Variants in DLG2 observed in about 807,000 individuals in gnomAD.
The protein encoded by DLG2 is disks large homolog 2.
Under a neutral mutation model 132.5 loss-of-function variants are expected in DLG2, and 45 were observed. The observed-to-expected ratio is 0.34, with a 90% CI of 0.27 to 0.44. The LOEUF is 0.44. Ranked by LOEUF, DLG2 falls within the 20% of genes least tolerant of loss-of-function variation. DLG2 has a pLI of 1.00. For missense variants in DLG2, 1,045 were observed against 1,196.9 expected, an observed-to-expected ratio of 0.87 and a Z score of 1.87; for synonymous variants, 424 against 419.6, an observed-to-expected ratio of 1.01 and a Z score of -0.13.
At chr11:85,309,993 T>C (rs940803338) in intron 3 of DLG2, among the ~76,000 whole-genome samples, 1 of 152,238 alleles carries the variant, frequency 6.6e-6, no homozygotes, top group Admixed American at 6.5e-5. Flanking sequence ...TCTCAGATGC[T>C]GATACAATCA....
chr11:84,517,311 C>T (rs1017649826), intron 7 of DLG2, among the ~76,000 whole-genome samples: 4 of 151,448 alleles, frequency 2.6e-5, no homozygotes, highest in African/African-American at 7.2e-5. Flanking sequence ...GGAAAGAAAA[C>T]CACCAAATTA....
At chr11:83,620,849 G>A (rs1324233238) in intron 19 of DLG2, among the ~76,000 whole-genome samples, 3 of 105,808 alleles carry the variant, frequency 2.8e-5, no homozygotes, top group Admixed American at 1.5e-4. Flanking sequence ...CAGCCTGGGC[G>A]ACAGAGCGAG....
chr11:83,736,246 G>T (rs2153708998), intron 18 of DLG2, among the ~76,000 whole-genome samples: 1 of 152,232 alleles, frequency 6.6e-6, no homozygotes, highest in South Asian at 2.1e-4. Context: ...TAAACTGATT[G>T]GTCATGTGTC....
At chr11:85,177,263 T>TTATATATATATATA (rs748552882) in intron 4 of DLG2, among the ~76,000 whole-genome samples, 5 of 137,058 alleles carry the variant, frequency 3.6e-5, no homozygotes, top group African/African-American at 1.5e-4. Context: ...GTATATGTAT[T>TTATATATATATATA]TATATATATA....
intron 6 of DLG2, among the ~76,000 whole-genome samples, chr11:84,819,665 G>A (rs561139811): frequency 4.7e-4 from 71 of 151,942 alleles, no homozygotes; most frequent in Non-Finnish European, 4.7e-4. Context: ...ACCTGCCAAG[G>A]AGAAGAATTT....
intron 3 of DLG2, among the ~76,000 whole-genome samples, chr11:85,585,720 T>G (rs1486409718): frequency 6.6e-6 from 1 of 152,054 alleles, no homozygotes; most frequent in Non-Finnish European, 1.5e-5. Context: ...TCACAGTTTT[T>G]TTTTTTTTTC....
chr11:84,857,043 T>G (rs1377794592), intron 6 of DLG2, among the ~76,000 whole-genome samples: 1 of 151,106 alleles, frequency 6.6e-6, no homozygotes, highest in Non-Finnish European at 1.5e-5. Flanking sequence ...AGAAGAAGTT[T>G]GGCATCTTTG....
chr11:84,153,090 T>G (rs1331148491), intron 9 of DLG2, among the ~76,000 whole-genome samples: 1 of 152,214 alleles, frequency 6.6e-6, no homozygotes, highest in Non-Finnish European at 1.5e-5. Context: ...TTCTCCTTTG[T>G]GTATGAAACT....
chr11:84,817,067 A>G (rs181460334), intron 6 of DLG2, among the ~76,000 whole-genome samples: 28 of 152,148 alleles, frequency 1.8e-4, no homozygotes, highest in Admixed American at 4.6e-4. Flanking sequence ...AGTAATTTGT[A>G]AACTGTAAAG....
At chr11:85,597,160 G>A (rs1185591587) in intron 3 of DLG2, among the ~76,000 whole-genome samples, 1 of 152,094 alleles carries the variant, frequency 6.6e-6, no homozygotes, top group African/African-American at 2.4e-5. Context: ...TATTCCCTGG[G>A]TAATGGTGTT....
intron 3 of DLG2, among the ~76,000 whole-genome samples, chr11:85,332,573 G>T (rs1378118914): frequency 6.6e-6 from 1 of 152,086 alleles, no homozygotes; most frequent in Non-Finnish European, 1.5e-5. Context: ...TTCTCACAGA[G>T]GTTTTATAGT....
At chr11:84,100,515 C>A (rs546050187) in intron 9 of DLG2, among the ~76,000 whole-genome samples, 3 of 151,350 alleles carry the variant, frequency 2.0e-5, no homozygotes, top group Non-Finnish European at 4.4e-5. Context: ...TATTTTATGC[C>A]CTTTCTGTAT....
At chr11:85,196,686 A>G (rs2081092924) in intron 4 of DLG2, among the ~76,000 whole-genome samples, 1 of 152,244 alleles carries the variant, frequency 6.6e-6, no homozygotes, top group Admixed American at 6.5e-5. Context: ...GCATTTACTT[A>G]TTAGAATTCA....
At chr11:84,562,662 T>C (rs2099430973) in intron 6 of DLG2, among the ~76,000 whole-genome samples, 2 of 152,150 alleles carry the variant, frequency 1.3e-5, no homozygotes, top group Admixed American at 6.5e-5. Context: ...GTGTCTTGTG[T>C]TACAGTAACA....
chr11:85,015,670 A>T (rs1247458947), intron 6 of DLG2, among the ~76,000 whole-genome samples: 1 of 152,162 alleles, frequency 6.6e-6, no homozygotes, highest in Non-Finnish European at 1.5e-5. Flanking sequence ...AGCCTCTATG[A>T]ACTTTCCCAA....
rs187363474 is a variant in DLG2 at position 84,269,615 on chromosome 11, G to A, written c.520-18324C>T. On this transcript the variant is annotated intron_variant, in intron 7 of 27. Coordinates refer to ENST00000376104, the MANE Select transcript of DLG2 (RefSeq NM_001142699.3). ...TTAGGGGTTCTCCTGATTTATACACGTTTATATCTCTCCCAATGCTTAATA... is the reference window on the plus strand; with the variant it reads ...TTAGGGGTTCTCCTGATTTATACACATTTATATCTCTCCCAATGCTTAATA... Among the ~76,000 whole-genome samples, 296 of 152,260 alleles carry A rather than the reference G, an allele frequency of 1.9e-3. 1 individual carries two copies. Among genetic ancestry groups the A allele is most frequent in the Non-Finnish European group, 3.2e-3 (217 of 68,016 alleles).
At position 84,226,065 on chromosome 11, in the gene DLG2, C is replaced by T. The variant is rs184117056; in HGVS notation, c.573+25173G>A. Among the ~76,000 whole-genome samples the T allele has an allele frequency of 6.6e-3, 998 of 152,360 alleles. 7 individuals are homozygous for T. Among genetic ancestry groups the T allele is most frequent in the Middle Eastern group, 0.02 (6 of 294 alleles). ...ACCTCAAGTGATCCGCCTGCCTTGGCCTCCCAAAGCGTTGGGATTACAGGC... is the reference window on the plus strand; with the variant it reads ...ACCTCAAGTGATCCGCCTGCCTTGGTCTCCCAAAGCGTTGGGATTACAGGC... On this transcript the variant is annotated intron_variant, in intron 8 of 27. Coordinates refer to ENST00000376104, the MANE Select transcript of DLG2 (RefSeq NM_001142699.3).
intron 3 of DLG2, among the ~76,000 whole-genome samples, chr11:85,358,048 T>C (rs1190995884): frequency 1.3e-5 from 2 of 151,134 alleles, no homozygotes; most frequent in Non-Finnish European, 2.9e-5. Context: ...CCTAAGATGG[T>C]GATTAAGAGA....
In DLG2 at chr11:84,550,159, C is replaced by T. The variant is rs531057627; in HGVS notation, c.358-15428G>A. On this transcript the variant is annotated intron_variant, in intron 6 of 27. Transcript: ENST00000376104. ...ACACACACACACACACATACACACA[C>T]ATGCATGTATATGCTCAATTCAGCC... Among the ~76,000 whole-genome samples, 12 of 151,922 alleles carry T rather than the reference C, an allele frequency of 7.9e-5. No homozygotes were observed. In the South Asian group the frequency reaches 1.7e-3, roughly 21 times the overall value.
Sources: gnomAD v4.1 joint callset for allele counts (sites outside exome capture counted in the v4.1 genomes callset) on GRCh38, gnomAD v4.1.1 for gene constraint, MANE v1.5 for transcripts, NCBI Gene and HGNC (gene_info 2026-07-23, HGNC 2026-07-21) for gene names.